USH2A: variants seen among roughly 807,000 people sequenced by gnomAD.
The protein encoded by USH2A is Usher syndrome 2A (autosomal recessive, mild).
A neutral mutation model predicts 538.9 loss-of-function variants in USH2A; 443 were observed. The ratio of observed to expected loss-of-function variants is 0.82; its 90% confidence interval spans 0.76 to 0.89. The LOEUF is 0.89. Ranked by LOEUF, USH2A falls within the 40% of genes least tolerant of loss-of-function variation. USH2A has a pLI of 0.00. For missense variants in USH2A, 6,633 were observed against 6,324.8 expected (o/e 1.05, Z -1.65); for synonymous variants, 2,413 against 2,273.5 (o/e 1.06, Z -1.75).
chr1:215,752,235 G>C (rs533927054), intron 58 of USH2A, among the ~76,000 whole-genome samples: 4 of 152,202 alleles, frequency 2.6e-5, no homozygotes, highest in African/African-American at 9.6e-5. Context: ...AAATTGTGGA[G>C]GCTCGCTCAC....
chr1:216,069,339 C>T (rs775029167), intron 30 of USH2A, among the ~76,000 whole-genome samples: 13 of 152,270 alleles, frequency 8.5e-5, no homozygotes, highest in South Asian at 4.1e-4. Context: ...GGGAATTGAC[C>T]AACAGGTTTG....
At chr1:215,684,747 T>G (rs1289290610) in intron 61 of USH2A, among the ~76,000 whole-genome samples, 3 of 152,196 alleles carry the variant, frequency 2.0e-5, no homozygotes, top group Non-Finnish European at 4.4e-5. Flanking sequence ...GCTTTGTCTT[T>G]CATTTATGAT....
At chr1:215,633,771 C>T (rs1656387194) in intron 70 of USH2A, among the ~76,000 whole-genome samples, 1 of 152,246 alleles carries the variant, frequency 6.6e-6, no homozygotes, top group South Asian at 2.1e-4. Context: ...AGACATAGCC[C>T]CACACCAGAC....
chr1:216,374,432 A>C (rs1008667705), intron 3 of USH2A, among the ~76,000 whole-genome samples: 1 of 152,016 alleles, frequency 6.6e-6, no homozygotes, highest in Non-Finnish European at 1.5e-5. Context: ...TGATACAGTG[A>C]TCATATTATA....
intron 58 of USH2A, among the ~76,000 whole-genome samples, chr1:215,756,642 G>T (rs10864195): frequency 6.6e-6 from 1 of 151,948 alleles, no homozygotes; most frequent in Non-Finnish European, 1.5e-5. Flanking sequence ...CTAAAAAATC[G>T]TGGCCAGGTG....
At chr1:216,417,086 C>T (rs1468333600) in intron 3 of USH2A, among the ~76,000 whole-genome samples, 2 of 152,004 alleles carry the variant, frequency 1.3e-5, no homozygotes, top group African/African-American at 2.4e-5. Context: ...GTCCTATGCA[C>T]AAGGCTTGAC....
At position 215,712,339 on chromosome 1, in the gene USH2A, T is replaced by G. The variant is rs141481108; in HGVS notation, c.12066+15691A>C. Among the ~76,000 whole-genome samples, 805 of 152,356 alleles carry G rather than the reference T, an allele frequency of 5.3e-3. 6 individuals are homozygous for G. Among genetic ancestry groups the G allele is most frequent in the Middle Eastern group, 0.01 (3 of 294 alleles). On this transcript the variant is annotated intron_variant, in intron 61 of 71. Coordinates refer to ENST00000307340, the MANE Select transcript of USH2A (RefSeq NM_206933.4). ...AGGACAATCTCAGAAGAGTGATTTG[T>G]TCTTTCCCTCAAGTTCTTTCCTGCC...
intron 61 of USH2A, among the ~76,000 whole-genome samples, chr1:215,697,630 T>C (rs1278321808): frequency 6.6e-6 from 1 of 152,168 alleles, no homozygotes; most frequent in African/African-American, 2.4e-5. Flanking sequence ...CAAGCAATTC[T>C]CCTGCCTCAG....
rs1425588453 is a variant in USH2A at position 216,130,448 on chromosome 1, T to A, written c.4628-33235A>T. Among the ~76,000 whole-genome samples the A allele has an allele frequency of 1.4e-4, 21 of 150,708 alleles. 1 individual carries two copies. The Admixed American group carries it at 1.4e-3, about 10-fold the overall frequency. ...TCCTGAGTTGCTTCACTTAGGATAA[T>A]AATCTCCAATCTCATCCAGGTCACT... On this transcript the variant is annotated intron_variant, in intron 21 of 71. Transcript: ENST00000307340.
chr1:216,341,371 C>A (rs977386246), intron 4 of USH2A, among the ~76,000 whole-genome samples: 4 of 152,070 alleles, frequency 2.6e-5, no homozygotes, highest in Non-Finnish European at 5.9e-5. Context: ...GAAAAACATT[C>A]CATCGTCATG....
At chr1:216,285,480 G>A (rs1156235616) in intron 11 of USH2A, among the ~76,000 whole-genome samples, 1 of 152,228 alleles carries the variant, frequency 6.6e-6, no homozygotes, top group African/African-American at 2.4e-5. Context: ...AGGATGTGCT[G>A]CAGGGGCAGA....
intron 30 of USH2A, 134 bp downstream of exon 30, chr1:216,069,967 G>T (rs2102545854): frequency 1.9e-6 from 2 of 1,042,152 alleles, no homozygotes; most frequent in South Asian, 1.4e-5. Context: ...CTTTAGATGG[G>T]TGTTGTTTTT....
rs141252711 is a variant in USH2A, at chr1:215,898,820, G to A, written c.7594+1255C>T. ...GTGATCATGGTGTCCAGATTCCCCA[G>A]AGTGTATGTAATGTTCCTCCTAAAA... On this transcript the variant is annotated intron_variant, in intron 40 of 71. Transcript: ENST00000307340. 1.3e-3 allele frequency among the ~76,000 whole-genome samples: 198 copies of A among 152,270 alleles called. 1 individual carries two copies. The highest frequency in any genetic ancestry group is 1.9e-3 in the Non-Finnish European group (130 of 68,016).
At position 216,289,374 on chromosome 1, in the gene USH2A, C is replaced by T. The variant is rs192524347; in HGVS notation, c.1877G>A (p.Arg626Gln). Reference protein sequence around the residue: ...NCELCKDYFFRQVGADPSAID... With the variant: ...NCELCKDYFFQQVGADPSAID... ...GGCCGAAGGATCTGCACCAACTTGT[C>T]GGAAAAAGTAATCCTTGCACAGCTC... Residue 626 changes from arginine to glutamine, a missense_variant, in exon 11 of 72, where the codon CGA (arginine) becomes CAA (glutamine). Arg to Gln is a conservative substitution (Grantham distance 43). Coordinates refer to ENST00000307340, the MANE Select transcript of USH2A (RefSeq NM_206933.4). 30 of 1,613,936 alleles carry T rather than the reference C, an allele frequency of 1.9e-5. No homozygotes were observed. The East Asian group carries it at 2.5e-4, about 13-fold the overall frequency.
At position 216,320,807 on chromosome 1, in the gene USH2A, G is replaced by T. The variant is rs1156351800; in HGVS notation, c.1644+1076C>A. ...CTTAATATTTTGTAAATGTTTGTGT[G>T]TTAGGAATCTTAACTCTTTACCTGT... On this transcript the variant is annotated intron_variant, in intron 9 of 71. Transcript: ENST00000307340. Among the ~76,000 whole-genome samples, 5 of 152,124 alleles carry T rather than the reference G, an allele frequency of 3.3e-5. No individual in the cohort carries two copies. In the East Asian group the frequency reaches 9.7e-4, roughly 29 times the overall value.
At chr1:216,135,160 TCTCTCTCACACACACACATACA>T (rs1263746411) in intron 21 of USH2A, among the ~76,000 whole-genome samples, 11 of 108,396 alleles carry the variant, frequency 1.0e-4, no homozygotes, top group African/African-American at 4.9e-4. Context: ...TCTCTCTCTC[TCTCTCTCACACACACACATACA>T]CACACACACA....
rs112085403 is a variant in USH2A at position 215,643,190 on chromosome 1, G to T, written c.14792-2456C>A. 1.5e-3 allele frequency among the ~76,000 whole-genome samples: 226 copies of T among 152,036 alleles called. 1 individual carries two copies. The highest frequency in any genetic ancestry group is 5.3e-3 in the African/African-American group (221 of 41,464). Reference sequence around the variant, plus strand: ...TTTTTGGATTTTTAGTAGAGATGGGGTTTCACCATGCTGGCCAGGCTCGTC... The same window carrying T: ...TTTTTGGATTTTTAGTAGAGATGGGTTTTCACCATGCTGGCCAGGCTCGTC... On this transcript the variant is annotated intron_variant, in intron 67 of 71. Transcript: ENST00000307340.
intron 8 of USH2A, among the ~76,000 whole-genome samples, chr1:216,323,153 G>A (rs535216340): frequency 6.6e-6 from 1 of 151,298 alleles, no homozygotes; most frequent in Admixed American, 6.6e-5. Context: ...AACAAATCAA[G>A]TAAAATATTG....
Position 215,902,570 on chromosome 1 carries a change from G to C in USH2A, c.7301-1665C>G, listed in dbSNP as rs368609485. On this transcript the variant is annotated intron_variant, in intron 38 of 71. Coordinates refer to ENST00000307340, the MANE Select transcript of USH2A (RefSeq NM_206933.4). ...GAATACTGTGTATACAATAATACCAGGTGGCCATAAGTGCTTTGTAGAAAA... is the reference window on the plus strand; with the variant it reads ...GAATACTGTGTATACAATAATACCACGTGGCCATAAGTGCTTTGTAGAAAA... Among the ~76,000 whole-genome samples the C allele has an allele frequency of 4.6e-5, 7 of 152,112 alleles. No individual in the cohort carries two copies. The East Asian group carries it at 7.7e-4, about 17-fold the overall frequency.
Sources: allele counts gnomAD v4.1 joint callset (sites outside exome capture counted in the v4.1 genomes callset), GRCh38; gene constraint gnomAD v4.1.1; transcripts MANE v1.5; gene names NCBI Gene and HGNC (gene_info 2026-07-23, HGNC 2026-07-21).